SGCZ: variants seen among roughly 807,000 people sequenced by gnomAD.
SGCZ encodes the protein sarcoglycan zeta.
In SGCZ, 40 loss-of-function variants were observed where a neutral mutation model predicts 41.3. That is an observed-to-expected ratio of 0.97 (90% CI 0.75 to 1.26). The LOEUF (loss-of-function observed/expected upper bound fraction) is 1.26, where lower values mean the gene tolerates loss of function less well. Ranked by LOEUF, SGCZ falls within the 50% of genes most tolerant of loss-of-function variation. SGCZ has a pLI of 0.00. For missense variants in SGCZ, 552 were observed against 369.8 expected (o/e 1.49, Z -4.04); for synonymous variants, 206 against 137.5 (o/e 1.50, Z -3.49).
At chr8:14,701,308 T>C (rs1383995637) in intron 1 of SGCZ, among the ~76,000 whole-genome samples, 1 of 151,980 alleles carries the variant, frequency 6.6e-6, no homozygotes, top group Non-Finnish European at 1.5e-5. Context: ...TTTATAAAAC[T>C]TATAAAAATA....
At chr8:15,071,831 A>G (rs1480499426) in intron 1 of SGCZ, among the ~76,000 whole-genome samples, 2 of 152,198 alleles carry the variant, frequency 1.3e-5, no homozygotes, top group Non-Finnish European at 2.9e-5. Flanking sequence ...GGGAATATAA[A>G]GAAGGAGAAG....
chr8:14,815,196 T>G (rs1046372374), intron 1 of SGCZ, among the ~76,000 whole-genome samples: 1 of 152,156 alleles, frequency 6.6e-6, no homozygotes, highest in Non-Finnish European at 1.5e-5. Context: ...ACTGCTGAAA[T>G]TTTTCTGCAG....
chr8:14,812,520 C>T (rs1801767055), intron 1 of SGCZ, among the ~76,000 whole-genome samples: 1 of 152,094 alleles, frequency 6.6e-6, no homozygotes, highest in Non-Finnish European at 1.5e-5. Context: ...TTTCAGTCTG[C>T]TCAAACGTTG....
intron 1 of SGCZ, among the ~76,000 whole-genome samples, chr8:15,123,441 G>T (rs1807561670): frequency 6.6e-6 from 1 of 152,070 alleles, no homozygotes; most frequent in African/African-American, 2.4e-5. Context: ...TAATTTTTTG[G>T]TTTAATCATA....
intron 2 of SGCZ, among the ~76,000 whole-genome samples, chr8:14,419,543 A>G (rs1199162116): frequency 1.3e-5 from 2 of 151,916 alleles, no homozygotes; most frequent in African/African-American, 4.8e-5. Context: ...ATAACTAGTC[A>G]GCAGACAAAA....
At chr8:14,385,544 T>C (rs887512369) in intron 2 of SGCZ, among the ~76,000 whole-genome samples, 34 of 152,134 alleles carry the variant, frequency 2.2e-4, no homozygotes, top group Admixed American at 2.0e-3. Context: ...AGAATGAAGT[T>C]AGAAAACACA....
At chr8:14,566,607 T>C (rs1233135005) in intron 1 of SGCZ, among the ~76,000 whole-genome samples, 1 of 152,264 alleles carries the variant, frequency 6.6e-6, no homozygotes. Flanking sequence ...AGAAAATGAC[T>C]GATGCTACCT....
chr8:14,497,255 T>C (rs557149511), intron 2 of SGCZ, among the ~76,000 whole-genome samples: 1 of 152,282 alleles, frequency 6.6e-6, no homozygotes, highest in Admixed American at 6.5e-5. Context: ...ACATCTGTTC[T>C]TGGCAAGGCC....
chr8:14,531,020 G>C (rs983631542), intron 2 of SGCZ, among the ~76,000 whole-genome samples: 1 of 151,996 alleles, frequency 6.6e-6, no homozygotes, highest in African/African-American at 2.4e-5. Flanking sequence ...GTCAAGGACA[G>C]TGTGAAGTCT....
intron 1 of SGCZ, among the ~76,000 whole-genome samples, chr8:14,932,055 T>C (rs1225049682): frequency 6.6e-6 from 1 of 151,974 alleles, no homozygotes; most frequent in Non-Finnish European, 1.5e-5. Flanking sequence ...GTATTTATAA[T>C]TGAAATTACA....
chr8:14,617,361 T>C (rs1245963959), intron 1 of SGCZ, among the ~76,000 whole-genome samples: 5 of 152,220 alleles, frequency 3.3e-5, no homozygotes, highest in African/African-American at 9.6e-5. Flanking sequence ...ACTGCCTTTA[T>C]GCCATTTTAT....
At chr8:14,874,748 G>A (rs17120448) in intron 1 of SGCZ, among the ~76,000 whole-genome samples, 3,415 of 152,168 alleles carry the variant, frequency 0.022, 43 homozygotes, top group Middle Eastern at 0.044. Context: ...GAATCAGGTT[G>A]CTCTAAAAGG....
At chr8:14,772,545 A>G (rs4831647) in intron 1 of SGCZ, among the ~76,000 whole-genome samples, 52,567 of 148,124 alleles carry the variant, frequency 0.35, 11,241 homozygotes, top group East Asian at 0.5. Context: ...ATCATTTAGC[A>G]TTAGGTATAT....
At chr8:15,226,125 A>G (rs1398657264) in intron 1 of SGCZ, among the ~76,000 whole-genome samples, 1 of 152,184 alleles carries the variant, frequency 6.6e-6, no homozygotes, top group Non-Finnish European at 1.5e-5. Context: ...GAGTACTAAT[A>G]TGCAGCTCAG....
intron 1 of SGCZ, among the ~76,000 whole-genome samples, chr8:15,178,930 A>C (rs181606934): frequency 7.1e-4 from 108 of 152,354 alleles, no homozygotes; most frequent in African/African-American, 2.5e-3. Context: ...TTCTAAACAT[A>C]GTGAAGTCAA....
chr8:14,303,942 G>C (rs895800295), intron 3 of SGCZ, among the ~76,000 whole-genome samples: 1 of 151,900 alleles, frequency 6.6e-6, no homozygotes, highest in Non-Finnish European at 1.5e-5. Context: ...AGTAGAGATA[G>C]GGTTTCACCA....
intron 1 of SGCZ, among the ~76,000 whole-genome samples, chr8:15,093,307 C>A (rs1350875081): frequency 1.3e-5 from 2 of 152,196 alleles, no homozygotes; most frequent in Admixed American, 6.5e-5. Context: ...GTCATTTGTA[C>A]TTCTCATCAG....
intron 2 of SGCZ, among the ~76,000 whole-genome samples, chr8:14,483,935 T>C (rs1209736008): frequency 2.0e-5 from 3 of 152,204 alleles, no homozygotes; most frequent in African/African-American, 7.2e-5. Context: ...GATTGCTGAC[T>C]ACATGGATTA....
chr8:14,160,074 G>A (rs778736827), intron 5 of SGCZ, among the ~76,000 whole-genome samples: 14 of 152,034 alleles, frequency 9.2e-5, no homozygotes, highest in African/African-American at 2.9e-4. Flanking sequence ...TGGATTTCAC[G>A]ATTCTTTCAG....
Sources: gnomAD v4.1 joint callset for allele counts (sites outside exome capture counted in the v4.1 genomes callset) on GRCh38, gnomAD v4.1.1 for gene constraint, MANE v1.5 for transcripts, NCBI Gene and HGNC (gene_info 2026-07-23, HGNC 2026-07-21) for gene names.